The following PC variants were observed in gnomAD, a reference collection of about 807,000 sequenced individuals.
The protein encoded by PC is pyruvate carboxylase, mitochondrial.
A neutral mutation model predicts 107.8 loss-of-function variants in PC; 46 were observed. The ratio of observed to expected loss-of-function variants is 0.43; its 90% confidence interval spans 0.34 to 0.55. The LOEUF (loss-of-function observed/expected upper bound fraction) is 0.55, where lower values mean the gene tolerates loss of function less well. PC is among the 20% of genes least tolerant of loss of function. The pLI, the probability that PC is intolerant of heterozygous loss-of-function variation, is 0.04. For synonymous variants in PC, 662 were observed against 684.7 expected (o/e 0.97, Z 0.52); for missense variants, 1,241 against 1,643.1 (o/e 0.76, Z 4.23).
intron 3 of PC, among the ~76,000 whole-genome samples, chr11:66,939,020 T>C (rs1949062467): frequency 6.6e-6 from 1 of 152,234 alleles, no homozygotes; most frequent in Admixed American, 6.5e-5. Context: ...ATACTGGCCC[T>C]ATGGTGAAGC....
intron 3 of PC, among the ~76,000 whole-genome samples, chr11:66,878,816 A>G (rs1947078314): frequency 6.6e-6 from 1 of 152,228 alleles, no homozygotes. Flanking sequence ...TCTTCGGCTG[A>G]AGTCAGAGCA....
intron 3 of PC, among the ~76,000 whole-genome samples, chr11:66,917,125 G>A (rs893021101): frequency 1.3e-5 from 2 of 151,932 alleles, no homozygotes; most frequent in African/African-American, 4.8e-5. Flanking sequence ...AGGCTGGAGT[G>A]CAGTGGCACC....
chr11:66,864,138 G>A (rs1034850291), intron 11 of PC, among the ~76,000 whole-genome samples, 182 bp from the exon 12 acceptor site: 23 of 152,252 alleles, frequency 1.5e-4, no homozygotes, highest in African/African-American at 5.5e-4. Context: ...ACCCAGGAGT[G>A]CGTCCCTTCT....
intron 3 of PC, among the ~76,000 whole-genome samples, chr11:66,873,468 TA>T (rs1946837343): frequency 1.2e-5 from 1 of 81,348 alleles, no homozygotes; most frequent in Admixed American, 2.2e-4. Flanking sequence ...ATATATTATA[TA>T]TAATATAATA....
At chr11:66,859,953 G>C in intron 12 of PC, 1 of 1,600,094 alleles carries the variant, frequency 6.2e-7, no homozygotes, top group South Asian at 1.1e-5. Flanking sequence ...GCTCAGCCAC[G>C]TCCAGTCCCA....
chr11:66,936,687 T>C (rs1224637572), intron 3 of PC, among the ~76,000 whole-genome samples: 1 of 152,148 alleles, frequency 6.6e-6, no homozygotes, highest in Non-Finnish European at 1.5e-5. Flanking sequence ...AGAGAACAGC[T>C]GGCCAAGGAA....
In PC at chr11:66,866,204, C is replaced by T. The variant is rs543023422; in HGVS notation, c.1168G>A (p.Asp390Asn). ...TEDPARSFQP[D>N]TGRIEVFRSG... ...CCGCCCACCTCAATGCGGCCGGTGTCCGGCTGGAAGCTGCGCGCGGGGTCC... is the reference window on the plus strand; with the variant it reads ...CCGCCCACCTCAATGCGGCCGGTGTTCGGCTGGAAGCTGCGCGCGGGGTCC... Residue 390 changes from aspartate (D) to asparagine (N), a missense_variant, in exon 11 of 23, where the codon GAC (aspartate) becomes AAC (asparagine). By Grantham distance (23) the Asp-to-Asn change is conservative (BLOSUM62 1). This residue lies in a region of PC where 1,143 missense variants were observed against 1,551.9 expected (regional missense o/e 0.74). Transcript: ENST00000393960. This position sits in a 1 kb window ranked among gnomAD's most constrained non-coding sequence, Gnocchi z 5.4. The T allele has an allele frequency of 6.2e-7, 1 of 1,609,844 alleles. No homozygotes were observed. Among genetic ancestry groups the T allele is most frequent in the South Asian group, 1.1e-5 (1 of 90,960 alleles).
chr11:66,932,280 A>G (rs1948877645), intron 3 of PC, among the ~76,000 whole-genome samples: 1 of 152,126 alleles, frequency 6.6e-6, no homozygotes, highest in Non-Finnish European at 1.5e-5. Flanking sequence ...GTAACCTGCT[A>G]GAAGACTATT....
At chr11:66,903,227 T>C (rs1194880655) in intron 3 of PC, among the ~76,000 whole-genome samples, 1 of 152,154 alleles carries the variant, frequency 6.6e-6, no homozygotes, top group Non-Finnish European at 1.5e-5. Context: ...CCAGAAGCGA[T>C]GCATTCTCAG....
intron 12 of PC, among the ~76,000 whole-genome samples, chr11:66,854,759 G>A (rs1169027390): frequency 6.6e-6 from 1 of 152,196 alleles, no homozygotes; most frequent in East Asian, 1.9e-4. Flanking sequence ...ATTACCTGGA[G>A]GCCTGGACAG....
At chr11:66,922,712 A>G (rs544648589) in intron 3 of PC, among the ~76,000 whole-genome samples, 3 of 152,214 alleles carry the variant, frequency 2.0e-5, no homozygotes, top group African/African-American at 7.2e-5. Context: ...CATGGCTGCC[A>G]GCAACACAGC....
chr11:66,931,522 T>C (rs1356593623), intron 3 of PC, among the ~76,000 whole-genome samples: 1 of 151,764 alleles, frequency 6.6e-6, no homozygotes, highest in African/African-American at 2.4e-5. Context: ...TGTTTTAACA[T>C]ACTCATATGT....
chr11:66,852,016 C>T lies in PC; in HGVS notation c.1826-70G>A, dbSNP rs1032102571. 6.6e-7 allele frequency: 1 copy of T among 1,510,652 alleles called. No individual in the cohort carries two copies. The highest frequency in any genetic ancestry group is 1.4e-5 in the African/African-American group (1 of 72,624). The allele number at this position is 1,510,652 out of a possible 1,614,324, so 93.6% of individuals were successfully genotyped here. On this transcript the variant is annotated intron_variant, in intron 15 of 22. Coordinates refer to ENST00000393960, the MANE Select transcript of PC (RefSeq NM_001040716.2). This position sits in a 1 kb window ranked among gnomAD's most constrained non-coding sequence, Gnocchi z 4.7. ...GAACTCCACCAGGCCTTGGAGCTAG[C>T]TCTGCAGCACAAGCCTCTGGCCCCA...
At chr11:66,894,747 C>T (rs1206982162) in intron 3 of PC, among the ~76,000 whole-genome samples, 1 of 152,218 alleles carries the variant, frequency 6.6e-6, no homozygotes, top group Non-Finnish European at 1.5e-5. Context: ...CAGGGCTGGG[C>T]ACAGTGGCTC....
chr11:66,860,623 G>A (rs558525298), intron 12 of PC: 1 of 701,660 alleles, frequency 1.4e-6, no homozygotes, highest in Non-Finnish European at 2.6e-6. Flanking sequence ...CTGTCCACAG[G>A]GGCGGCCCAG....
chr11:66,856,778 T>C (rs1230870140), intron 12 of PC: 1 of 151,170 alleles, frequency 6.6e-6, no homozygotes, highest in African/African-American at 2.4e-5. Flanking sequence ...GTCTGCAGAG[T>C]GAGGTTCGCG....
In PC at chr11:66,877,916, T is replaced by C. The variant is rs528384857; in HGVS notation, c.1-5757A>G. 5.9e-5 allele frequency among the ~76,000 whole-genome samples: 9 copies of C among 152,312 alleles called. No homozygotes were observed. In the South Asian group the frequency reaches 1.7e-3, roughly 28 times the overall value. On this transcript the variant is annotated intron_variant, in intron 3 of 22. Transcript: ENST00000393960. Reference sequence around the variant, plus strand: ...TCACTCCCACGTGCTATGGAATTGCTGTAGAGTTGTGTTTTCCTCCTTCTT... The same window carrying C: ...TCACTCCCACGTGCTATGGAATTGCCGTAGAGTTGTGTTTTCCTCCTTCTT...
At chr11:66,943,202 C>A (rs1949190738) in intron 3 of PC, among the ~76,000 whole-genome samples, 1 of 151,594 alleles carries the variant, frequency 6.6e-6, no homozygotes, top group South Asian at 2.1e-4. Flanking sequence ...AGAGGTCGAG[C>A]TGGCCATGGT....
chr11:66,850,588 G>C (rs891196897), intron 18 of PC, 86 bp downstream of exon 18: 25 of 1,601,752 alleles, frequency 1.6e-5, no homozygotes, highest in Non-Finnish European at 1.9e-5. Context: ...CAGGGCATCT[G>C]GATCCTAGGC....
Sources: gnomAD v4.1 joint callset for allele counts (sites outside exome capture counted in the v4.1 genomes callset) on GRCh38, gnomAD v4.1.1 for gene constraint, gnomAD v4.1.1 regional missense constraint, Gnocchi (gnomAD v3.1) non-coding constraint, MANE v1.5 for transcripts, NCBI Gene and HGNC (gene_info 2026-07-23, HGNC 2026-07-21) for gene names.